The following SPATA16 variants were observed in gnomAD, a reference collection of about 807,000 sequenced individuals.
SPATA16 encodes the protein spermatogenesis-associated protein 16.
In SPATA16, 36 loss-of-function variants were observed where a neutral mutation model predicts 63.3. The observed-to-expected ratio is 0.57, with a 90% CI of 0.44 to 0.75. SPATA16 has a LOEUF of 0.75. Among genes scored for constraint, SPATA16 ranks in the 30% least tolerant of loss-of-function variants. The pLI is 0.00. For synonymous variants in SPATA16, 203 were observed against 216.7 expected (o/e 0.94, Z 0.56); for missense variants, 646 against 679.3 (o/e 0.95, Z 0.54).
chr3:173,075,106 A>G (rs1370420514), intron 2 of SPATA16, among the ~76,000 whole-genome samples: 13 of 151,878 alleles, frequency 8.6e-5, no homozygotes. Context: ...ATCATGCAAT[A>G]TACAAAACTG....
At chr3:173,081,143 G>T (rs1736913147) in intron 2 of SPATA16, among the ~76,000 whole-genome samples, 1 of 152,174 alleles carries the variant, frequency 6.6e-6, no homozygotes, top group South Asian at 2.1e-4. Context: ...AGAAATTTGT[G>T]AGAGAAAGAA....
At chr3:173,125,556 A>T (rs1047638597) in intron 1 of SPATA16, among the ~76,000 whole-genome samples, 6 of 152,220 alleles carry the variant, frequency 3.9e-5, no homozygotes, top group African/African-American at 1.4e-4. Flanking sequence ...TGACAAGTTC[A>T]TTCCCAACTC....
At chr3:173,084,190 C>T (rs1190762593) in intron 2 of SPATA16, among the ~76,000 whole-genome samples, 1 of 152,024 alleles carries the variant, frequency 6.6e-6, no homozygotes, top group Non-Finnish European at 1.5e-5. Context: ...TCTGTTGTTT[C>T]TTAACTTTTT....
chr3:172,930,787 C>T (rs544846394), intron 6 of SPATA16, among the ~76,000 whole-genome samples: 7 of 151,720 alleles, frequency 4.6e-5, no homozygotes, highest in South Asian at 2.1e-4. Flanking sequence ...CTCCTGACCT[C>T]GTGATCCACC....
intron 4 of SPATA16, among the ~76,000 whole-genome samples, chr3:173,015,140 C>T (rs1299945510): frequency 2.0e-5 from 3 of 151,588 alleles, no homozygotes; most frequent in Admixed American, 6.6e-5. Flanking sequence ...CTCCACTCAC[C>T]GCAAGCCCCG....
At chr3:172,981,880 T>G (rs1356821693) in intron 4 of SPATA16, among the ~76,000 whole-genome samples, 1 of 152,214 alleles carries the variant, frequency 6.6e-6, no homozygotes, top group Admixed American at 6.5e-5. Flanking sequence ...ATTTGTGCAC[T>G]GCTTACACAC....
At chr3:173,100,715 A>C (rs1453991566) in intron 2 of SPATA16, among the ~76,000 whole-genome samples, 4 of 146,390 alleles carry the variant, frequency 2.7e-5, no homozygotes, top group African/African-American at 1.0e-4. Context: ...CACAGAGTAA[A>C]TTCTTGTTTA....
At chr3:173,064,019 A>T (rs1161338002) in intron 2 of SPATA16, among the ~76,000 whole-genome samples, 1 of 152,158 alleles carries the variant, frequency 6.6e-6, no homozygotes, top group Non-Finnish European at 1.5e-5. Context: ...CAGAAGATGG[A>T]AGTGAGGCTG....
chr3:173,105,202 G>C (rs929235584), intron 2 of SPATA16, among the ~76,000 whole-genome samples: 1 of 152,162 alleles, frequency 6.6e-6, no homozygotes, highest in African/African-American at 2.4e-5. Flanking sequence ...TGCTTGCTAA[G>C]TTTTAGTTGG....
intron 9 of SPATA16, among the ~76,000 whole-genome samples, chr3:172,914,700 G>T (rs1239451996): frequency 4.0e-5 from 6 of 151,850 alleles, no homozygotes; most frequent in Non-Finnish European, 5.9e-5. Flanking sequence ...TAAATGCTTG[G>T]CATACAGATA....
intron 4 of SPATA16, among the ~76,000 whole-genome samples, chr3:172,985,905 A>G (rs773407724): frequency 6.6e-6 from 1 of 152,208 alleles, no homozygotes; most frequent in African/African-American, 2.4e-5. Flanking sequence ...TATTCTATAG[A>G]TGCAAGGGAC....
intron 7 of SPATA16, 130 bp from the exon 8 acceptor site, chr3:172,924,447 C>G: frequency 1.4e-6 from 1 of 700,228 alleles, no homozygotes; most frequent in Admixed American, 2.3e-5. Flanking sequence ...GAAACTAGTC[C>G]CATCCCTAGA....
rs538513477 is a variant in SPATA16, at chr3:173,091,072, G to A, written c.612+26048C>T. Among the ~76,000 whole-genome samples the A allele has an allele frequency of 9.9e-5, 15 of 152,170 alleles. No individual in the cohort carries two copies. In the South Asian group the frequency reaches 2.9e-3, roughly 30 times the overall value. ...AAAAAAAAAGTTGCTCAAAGAATAT[G>A]TCTTTCTGATATATGTCTACCACCA... On this transcript the variant is annotated intron_variant, in intron 2 of 10. Coordinates refer to ENST00000351008, the MANE Select transcript of SPATA16 (RefSeq NM_031955.6).
At chr3:172,910,302 C>T (rs1341999903) in intron 10 of SPATA16, among the ~76,000 whole-genome samples, 3 of 152,008 alleles carry the variant, frequency 2.0e-5, no homozygotes, top group Non-Finnish European at 4.4e-5. Flanking sequence ...CCATGTTGGC[C>T]AGGCTGGTCT....
rs200561419 is a variant in SPATA16 at position 173,134,980 on chromosome 3, CATA to C, written c.-19+6120_-19+6122del. 7.5e-3 allele frequency among the ~76,000 whole-genome samples: 1,140 copies of C among 152,146 alleles called. 10 individuals carry two copies. Among genetic ancestry groups the C allele is most frequent in the African/African-American group, 0.026 (1,078 of 41,522 alleles). ...AAATAAAAAATTGGATTATATTATA[CATA>C]ATAATTTTTGTTCATCAAAACACAT... is the stretch of plus-strand genomic sequence containing the variant. On this transcript the variant is annotated intron_variant, in intron 1 of 10. Coordinates refer to ENST00000351008, the MANE Select transcript of SPATA16 (RefSeq NM_031955.6).
At chr3:172,955,963 G>A (rs1733583868) in intron 6 of SPATA16, among the ~76,000 whole-genome samples, 1 of 152,134 alleles carries the variant, frequency 6.6e-6, no homozygotes, top group African/African-American at 2.4e-5. Context: ...TGAGAGAAGG[G>A]ATGAAGGGGC....
chr3:173,120,928 AC>A (rs34353874), intron 1 of SPATA16, among the ~76,000 whole-genome samples: 33,717 of 151,988 alleles, frequency 0.22, 4,549 homozygotes, highest in African/African-American at 0.38. Context: ...GCAGTTTTAC[AC>A]AAGAAAAAAT....
intron 3 of SPATA16, among the ~76,000 whole-genome samples, chr3:173,021,487 T>A (rs1735329880): frequency 6.6e-6 from 1 of 152,210 alleles, no homozygotes; most frequent in South Asian, 2.1e-4. Flanking sequence ...GTTAAAATGA[T>A]CACATGGGTT....
intron 6 of SPATA16, among the ~76,000 whole-genome samples, chr3:172,932,660 AGTT>A (rs1732898278): frequency 6.6e-6 from 1 of 152,150 alleles, no homozygotes; most frequent in Admixed American, 6.5e-5. Context: ...TTTGAAGCAA[AGTT>A]GTTATTATTA....
Sources: allele counts gnomAD v4.1 joint callset (sites outside exome capture counted in the v4.1 genomes callset), GRCh38; gene constraint gnomAD v4.1.1; transcripts MANE v1.5; gene names NCBI Gene and HGNC (gene_info 2026-07-23, HGNC 2026-07-21).